PPARG: variants seen among roughly 807,000 people sequenced by gnomAD.
PPARG encodes the protein peroxisome proliferator activated receptor gamma, also known as peroxisome proliferator-activated receptor gamma.
A neutral mutation model predicts 39.2 loss-of-function variants in PPARG; 17 were observed. The observed-to-expected ratio is 0.43, with a 90% CI of 0.30 to 0.65. The LOEUF is 0.65. PPARG is among the 30% of genes least tolerant of loss of function. The pLI is 0.13. For synonymous variants in PPARG, 223 were observed against 215.7 expected (o/e 1.03, Z -0.30); for missense variants, 406 against 585.9 (o/e 0.69, Z 3.17).
chr3:12,392,514 T>C, intron 4 of PPARG, 100 bp from the exon 5 acceptor site: 1 of 1,381,646 alleles, frequency 7.2e-7, no homozygotes, highest in Non-Finnish European at 1.0e-6. Context: ...GTCAAGAACC[T>C]GCCTTTTCTG....
chr3:12,337,466 A>G (rs538660726), intron 2 of PPARG, among the ~76,000 whole-genome samples: 3 of 152,350 alleles, frequency 2.0e-5, no homozygotes, highest in Non-Finnish European at 2.9e-5. Context: ...GATTCTGAAT[A>G]GAGCAAGAGT....
intron 5 of PPARG, among the ~76,000 whole-genome samples, chr3:12,396,337 G>A (rs1388845347): frequency 2.0e-5 from 3 of 152,080 alleles, no homozygotes; most frequent in Admixed American, 1.3e-4. Flanking sequence ...GGCCAAGATG[G>A]TCTCGAACTC....
At chr3:12,389,502 A>G (rs1575100658) in intron 4 of PPARG, among the ~76,000 whole-genome samples, 1 of 152,222 alleles carries the variant, frequency 6.6e-6, no homozygotes, top group East Asian at 1.9e-4. Flanking sequence ...TTAGAAGTAA[A>G]TTGACAAGAG....
intron 2 of PPARG, among the ~76,000 whole-genome samples, chr3:12,331,740 C>T (rs1048480595): frequency 6.6e-6 from 1 of 152,062 alleles, no homozygotes; most frequent in Non-Finnish European, 1.5e-5. Flanking sequence ...AAGGACATGG[C>T]GATTGGTTTG....
chr3:12,352,113 C>A (rs1159830551), intron 2 of PPARG, among the ~76,000 whole-genome samples: 2 of 152,166 alleles, frequency 1.3e-5, no homozygotes, highest in African/African-American at 2.4e-5. Context: ...GAAGTACTCT[C>A]AGCTCTTTTC....
chr3:12,417,607 A>G (rs2051106569), intron 7 of PPARG, among the ~76,000 whole-genome samples: 1 of 152,150 alleles, frequency 6.6e-6, no homozygotes, highest in South Asian at 2.1e-4. Flanking sequence ...CATCAGTAAG[A>G]TACTACTTTG....
At chr3:12,382,862 T>C (rs1297013939) in intron 4 of PPARG, among the ~76,000 whole-genome samples, 1 of 152,122 alleles carries the variant, frequency 6.6e-6, no homozygotes, top group Non-Finnish European at 1.5e-5. Flanking sequence ...TCCTAGCTTC[T>C]TGGGAGGTTT....
At chr3:12,355,509 T>C (rs1345679501) in intron 2 of PPARG, among the ~76,000 whole-genome samples, 2 of 152,308 alleles carry the variant, frequency 1.3e-5, no homozygotes, top group African/African-American at 4.8e-5. Context: ...TCCATATTAA[T>C]TTTTTTCTGA....
Position 12,312,411 on chromosome 3 carries a change from A to G in PPARG, c.-51A>G, listed in dbSNP as rs1034868409. 1 of 152,256 alleles carries G rather than the reference A, an allele frequency of 6.6e-6. No individual in the cohort carries two copies. The highest frequency in any genetic ancestry group is 1.5e-5 in the Non-Finnish European group (1 of 68,034). The allele number at this position is 152,256 out of a possible 1,614,324, so 9.4% of individuals were successfully genotyped here. On this transcript the variant is annotated 5_prime_UTR_variant, in exon 2 of 8. In the 5' UTR this introduces an upstream ATG that the reference lacks. Transcript: ENST00000651735. ...AAGAAGCCAACACTAAACCACAAAT[A>G]TACAACAAGGCCATTTTCTCAAACG...
At chr3:12,323,463 A>T (rs1416517135) in intron 2 of PPARG, among the ~76,000 whole-genome samples, 1 of 151,022 alleles carries the variant, frequency 6.6e-6, no homozygotes, top group Non-Finnish European at 1.5e-5. Context: ...AAAGGAGGGG[A>T]CTTTTAAGAA....
chr3:12,404,200 A>G (rs984626153), intron 5 of PPARG, among the ~76,000 whole-genome samples: 2 of 152,190 alleles, frequency 1.3e-5, no homozygotes, highest in Non-Finnish European at 2.9e-5. Flanking sequence ...GGATATATTC[A>G]CTAAAAGTAT....
chr3:12,433,194 T>G (rs2051720064), intron 7 of PPARG, among the ~76,000 whole-genome samples: 2 of 152,182 alleles, frequency 1.3e-5, no homozygotes, highest in Non-Finnish European at 2.9e-5. Context: ...GATAAGAAAC[T>G]GAGTAGAAGC....
At chr3:12,334,826 T>C (rs187005338) in intron 2 of PPARG, among the ~76,000 whole-genome samples, 3 of 152,354 alleles carry the variant, frequency 2.0e-5, no homozygotes, top group Admixed American at 2.0e-4. Context: ...TTTATCTCTG[T>C]TATCCTACCA....
intron 2 of PPARG, among the ~76,000 whole-genome samples, chr3:12,331,636 C>G (rs2047862818): frequency 2.6e-5 from 4 of 152,082 alleles, no homozygotes. Context: ...TGGAAAGGTG[C>G]ATATGGAAGA....
intron 2 of PPARG, chr3:12,372,186 A>G (rs2049242621): frequency 5.6e-6 from 4 of 716,958 alleles, no homozygotes; most frequent in Admixed American, 4.0e-5. Context: ...TTCATAGTAC[A>G]TCCCCTGCCC....
At chr3:12,402,505 A>G (rs923517602) in intron 5 of PPARG, among the ~76,000 whole-genome samples, 1 of 152,230 alleles carries the variant, frequency 6.6e-6, no homozygotes, top group Non-Finnish European at 1.5e-5. Context: ...ATGAGAAAAC[A>G]TGTTACTCAT....
chr3:12,290,179 T>A (rs1348995552), intron 1 of PPARG, among the ~76,000 whole-genome samples: 1 of 152,080 alleles, frequency 6.6e-6, no homozygotes, highest in Admixed American at 6.6e-5. Context: ...GAAACACTAA[T>A]GATGGTTTTT....
chr3:12,332,773 A>G (rs1190922811), intron 2 of PPARG, among the ~76,000 whole-genome samples: 7 of 152,210 alleles, frequency 4.6e-5, no homozygotes, highest in South Asian at 4.1e-4. Flanking sequence ...ACTCAGGCCT[A>G]TAGTCCCAGC....
intron 2 of PPARG, among the ~76,000 whole-genome samples, chr3:12,357,028 C>A (rs1329766241): frequency 6.6e-6 from 1 of 152,150 alleles, no homozygotes; most frequent in East Asian, 1.9e-4. Flanking sequence ...CTCTCTTCTG[C>A]CGCTTCCACT....
Sources: allele counts gnomAD v4.1 joint callset (sites outside exome capture counted in the v4.1 genomes callset), GRCh38; gene constraint gnomAD v4.1.1; transcripts MANE v1.5; gene names NCBI Gene and HGNC (gene_info 2026-07-23, HGNC 2026-07-21).